Variants in TECPR2 observed in about 807,000 individuals in gnomAD.
TECPR2 encodes tectonin beta-propeller repeat-containing protein 2.
Under a neutral mutation model 138.1 loss-of-function variants are expected in TECPR2, and 65 were observed. That is an observed-to-expected ratio of 0.47 (90% CI 0.39 to 0.58). TECPR2 has a LOEUF of 0.58. Ranked by LOEUF, TECPR2 falls within the 20% of genes least tolerant of loss-of-function variation. The pLI is 0.00. For missense variants in TECPR2, 1,553 were observed against 1,824.5 expected, an observed-to-expected ratio of 0.85 and a Z score of 2.71; for synonymous variants, 746 against 749.8, an observed-to-expected ratio of 0.99 and a Z score of 0.08.
In TECPR2 at chr14:102,452,452, C is replaced by G. The variant is rs75004775; in HGVS notation, c.3465C>G (p.Ser1155Arg). 1.9e-6 allele frequency: 3 copies of G among 1,613,698 alleles called. No homozygotes were observed. The highest frequency in any genetic ancestry group is 2.5e-6 in the Non-Finnish European group (3 of 1,179,858). The change falls in exon 16 of 20, where the codon AGC becomes AGG. Residue 1155 changes from serine (S) to arginine (R), a missense_variant. By Grantham distance (110) the Ser-to-Arg change is moderately radical (BLOSUM62 -1). Transcript: ENST00000359520. ...SKDLCSVSAQSAQSRPSTVQL... is the reference protein window; with the variant it reads ...SKDLCSVSAQRAQSRPSTVQL... The stretch of plus-strand genomic sequence containing the variant: ...ACCTGTGCAGCGTCAGCGCCCAGAG[C>G]GCACAGTCGCGGCCCTCCACGGTGC...
Position 102,473,412 on chromosome 14 carries a change from G to A in TECPR2, c.3789+8123G>A, listed in dbSNP as rs139426440. On this transcript the variant is annotated intron_variant, in intron 17 of 19. Transcript: ENST00000359520. ...TGAATCTGAGGATTGGAGAACAAGC[G>A]GGGTTTATGTATTTTGATTATGTTC... Among the ~76,000 whole-genome samples the A allele has an allele frequency of 1.1e-4, 16 of 152,340 alleles. No homozygotes were observed. In the East Asian group the frequency reaches 1.2e-3, roughly 11 times the overall value.
intron 7 of TECPR2, 27 bp downstream of exon 7, chr14:102,428,409 T>C: frequency 1.2e-6 from 2 of 1,606,880 alleles, no homozygotes; most frequent in Non-Finnish European, 1.7e-6. Flanking sequence ...AAATGTACCA[T>C]GTATATGATG....
At chr14:102,436,909 G>T (rs1889685204) in intron 9 of TECPR2, 1 of 829,874 alleles carries the variant, frequency 1.2e-6, no homozygotes, top group Admixed American at 6.2e-5. Flanking sequence ...CAGACTGTCG[G>T]TGGGGTGGGG....
intron 2 of TECPR2, among the ~76,000 whole-genome samples, chr14:102,380,838 C>T (rs537233211): frequency 1.5e-3 from 231 of 152,044 alleles, no homozygotes; most frequent in Non-Finnish European, 2.5e-3. Context: ...GCCACCACAC[C>T]GGCTAATTTT....
In TECPR2 at chr14:102,494,813, A is replaced by G. The variant is rs186286515; in HGVS notation, c.3790-2166A>G. ...CACTCCAGCCTGGGTAACAAGAGCG[A>G]AACTCCGTCTCAAAAAAAAAAAAAA... On this transcript the variant is annotated intron_variant, in intron 17 of 19. Transcript: ENST00000359520. Among the ~76,000 whole-genome samples the G allele has an allele frequency of 7.1e-4, 106 of 149,360 alleles. 1 individual carries two copies. The East Asian group carries it at 0.019, about 27-fold the overall frequency.
intron 17 of TECPR2, among the ~76,000 whole-genome samples, chr14:102,483,066 T>G (rs569545617): frequency 1.3e-5 from 2 of 151,824 alleles, no homozygotes; most frequent in Non-Finnish European, 2.9e-5. Context: ...TTAGCCAGGA[T>G]GGTCTCGATC....
chr14:102,448,836 C>T (rs561498796), intron 13 of TECPR2, among the ~76,000 whole-genome samples: 1 of 152,106 alleles, frequency 6.6e-6, no homozygotes, highest in East Asian at 1.9e-4. Context: ...CACTGCACTC[C>T]AGCCTGGGTG....
At chr14:102,426,677 G>A (rs908904301) in intron 6 of TECPR2, among the ~76,000 whole-genome samples, 2 of 152,134 alleles carry the variant, frequency 1.3e-5, no homozygotes, top group Non-Finnish European at 2.9e-5. Flanking sequence ...TGGCCAACAT[G>A]GTGAAACTCC....
At chr14:102,444,587 G>A (rs114933285) in intron 12 of TECPR2, among the ~76,000 whole-genome samples, 6,364 of 151,982 alleles carry the variant, frequency 0.042, 157 homozygotes, top group Middle Eastern at 0.092. Flanking sequence ...CATTTTACTA[G>A]TATGGAAGTA....
intron 16 of TECPR2, among the ~76,000 whole-genome samples, chr14:102,462,472 G>A (rs1890431502): frequency 6.6e-6 from 1 of 152,194 alleles, no homozygotes. Context: ...ATAATTTTTT[G>A]TGTAGCAGTG....
At chr14:102,422,607 A>C in intron 5 of TECPR2, among the ~76,000 whole-genome samples, 1 of 152,240 alleles carries the variant, frequency 6.6e-6, no homozygotes, top group Non-Finnish European at 1.5e-5. Flanking sequence ...TGAAAGATAA[A>C]CAATACTAAA....
At chr14:102,425,839 G>A (rs1751707489) in intron 6 of TECPR2, among the ~76,000 whole-genome samples, 1 of 148,174 alleles carries the variant, frequency 6.7e-6, no homozygotes, top group African/African-American at 2.5e-5. Flanking sequence ...CTCCCAAATT[G>A]CTGGGATTAC....
At chr14:102,491,787 CA>C (rs1891165777) in intron 17 of TECPR2, among the ~76,000 whole-genome samples, 2 of 152,194 alleles carry the variant, frequency 1.3e-5, no homozygotes, top group African/African-American at 4.8e-5. Context: ...CTCTGTTACG[CA>C]GTATGGCATT....
intron 7 of TECPR2, 108 bp from the exon 8 acceptor site, chr14:102,431,688 T>G: frequency 8.9e-7 from 1 of 1,128,308 alleles, no homozygotes; most frequent in South Asian, 1.7e-5. Context: ...GTTCTTTAGC[T>G]GGCTGGTGCC....
In TECPR2 at chr14:102,497,593, C is replaced by T. The variant is rs1480455681; in HGVS notation, c.3955C>T (p.Leu1319=). ...AGGGTTGCAGGCCTGCCAGCTGGCG[C>T]TGAGCACCAGGACCGTGTGGGCCCG... The part of the protein sequence containing the change: ...VPGLQACQLA[L]STRTVWARCP... The change falls in exon 19 of 20, where the codon CTG becomes TTG. Residue 1319 remains leucine (L), a synonymous_variant. Transcript: ENST00000359520. 6.2e-7 allele frequency: 1 copy of T among 1,604,630 alleles called. No homozygotes were observed. Among genetic ancestry groups the T allele is most frequent in the South Asian group, 1.1e-5 (1 of 89,826 alleles).
At chr14:102,460,593 G>A (rs1213440633) in intron 16 of TECPR2, among the ~76,000 whole-genome samples, 3 of 149,598 alleles carry the variant, frequency 2.0e-5, no homozygotes, top group African/African-American at 4.9e-5. Flanking sequence ...CAGCCTGGGT[G>A]ACAGAGCAAG....
At position 102,428,011 on chromosome 14, in the gene TECPR2, T is replaced by C. The variant is rs114690031; in HGVS notation, c.952-239T>C. Among the ~76,000 whole-genome samples, 6,242 of 152,222 alleles carry C rather than the reference T, an allele frequency of 0.041. 148 individuals are homozygous for C. The highest frequency in any genetic ancestry group is 0.092 in the Middle Eastern group (27 of 294). On this transcript the variant is annotated intron_variant, in intron 6 of 19. Coordinates refer to ENST00000359520, the MANE Select transcript of TECPR2 (RefSeq NM_014844.5). ...TGCAGCAGGGACGAGGGCAGGGTGG[T>C]ACGTGGGTCGGAGATGACCGAGGCC...
At chr14:102,437,056 GGT>G in intron 9 of TECPR2, 1 of 985,422 alleles carries the variant, frequency 1.0e-6, no homozygotes, top group African/African-American at 1.7e-5. Flanking sequence ...GAAATTTTAT[GGT>G]GTGTTTTTAT....
intron 2 of TECPR2, among the ~76,000 whole-genome samples, chr14:102,406,375 C>T (rs557098650): frequency 3.0e-4 from 45 of 151,870 alleles, no homozygotes; most frequent in Non-Finnish European, 4.0e-4. Flanking sequence ...GGTGAAACCC[C>T]GTCTCTACTA....
Sources: gnomAD v4.1 joint callset for allele counts (sites outside exome capture counted in the v4.1 genomes callset) on GRCh38, gnomAD v4.1.1 for gene constraint, MANE v1.5 for transcripts, NCBI Gene and HGNC (gene_info 2026-07-23, HGNC 2026-07-21) for gene names.